PSIP1: variants seen among roughly 807,000 people sequenced by gnomAD.
PSIP1 encodes the protein PC4 and SRSF1 interacting protein 1.
A neutral mutation model predicts 74.7 loss-of-function variants in PSIP1; 19 were observed. The ratio of observed to expected loss-of-function variants is 0.25; its 90% CI spans 0.18 to 0.37. The LOEUF (loss-of-function observed/expected upper bound fraction) is 0.37. Among genes scored for constraint, PSIP1 ranks in the 10% least tolerant of loss-of-function variants. PSIP1 has a pLI of 1.00. For missense variants in PSIP1, 601 were observed against 614.3 expected (o/e 0.98, Z 0.23); for synonymous variants, 222 against 195.3 (o/e 1.14, Z -1.14).
intron 2 of PSIP1, among the ~76,000 whole-genome samples, chr9:15,509,720 T>C (rs532654006): frequency 1.3e-5 from 2 of 152,208 alleles, no homozygotes; most frequent in Non-Finnish European, 2.9e-5. Flanking sequence ...ATCCAAGTGT[T>C]TGTGTGTAAT....
chr9:15,489,301 C>G (rs1184563787), intron 4 of PSIP1: 8 of 152,088 alleles, frequency 5.3e-5, no homozygotes, highest in African/African-American at 1.9e-4. Context: ...TATTCCAATA[C>G]AATTCTATGG....
In PSIP1 at chr9:15,501,861, AT is replaced by A. The variant is rs1563897771; in HGVS notation, c.149+4699del. Reference sequence around the variant, plus strand: ...ACAGCATATATATATATATATATATATATATAAAACGCACACCCTCCCATAT... The same window carrying A: ...ACAGCATATATATATATATATATATAATATAAAACGCACACCCTCCCATAT... On this transcript the variant is annotated intron_variant, in intron 3 of 15. Transcript: ENST00000380733. Among the ~76,000 whole-genome samples, 32 of 148,274 alleles carry A rather than the reference AT, an allele frequency of 2.2e-4. 1 individual carries two copies. In the East Asian group the frequency reaches 5.5e-3, roughly 26 times the overall value.
rs112671758 is a variant in PSIP1 at position 15,501,840 on chromosome 9, C to CATATATATATATAT, written c.149+4707_149+4720dup. On this transcript the variant is annotated intron_variant, in intron 3 of 15. Transcript: ENST00000380733. The stretch of plus-strand genomic sequence containing the variant: ...TGTTTAAGTCCCTTATATAAAACAG[C>CATATATATATATAT]ATATATATATATATATATATATATA... 9.0e-3 allele frequency among the ~76,000 whole-genome samples: 1,121 copies of CATATATATATATAT among 124,394 alleles called. 38 individuals carry two copies. The highest frequency in any genetic ancestry group is 0.033 in the African/African-American group (915 of 27,374). 81.6% of individuals were successfully genotyped at this position (124,394 alleles called of 152,430 possible).
At chr9:15,497,677 C>T (rs201983245) in intron 3 of PSIP1, among the ~76,000 whole-genome samples, 188 of 152,008 alleles carry the variant, frequency 1.2e-3, no homozygotes, top group African/African-American at 4.5e-3. Flanking sequence ...TTAGCTACCA[C>T]CTAGACCAAG....
chr9:15,465,487 C>A lies in PSIP1; in HGVS notation c.*33G>T, dbSNP rs768978089. ...TTCAAATGAAAACCATTACAAACTT[C>A]TCAAGTGTTCTCTATATTCCAGGTA... On this transcript the variant is annotated 3_prime_UTR_variant, in exon 16 of 16. Coordinates refer to ENST00000380733, the MANE Select transcript of PSIP1 (RefSeq NM_033222.5). 6.7e-7 allele frequency: 1 copy of A among 1,482,040 alleles called. No homozygotes were observed. The highest frequency in any genetic ancestry group is 1.2e-5 in the South Asian group (1 of 81,972). 91.8% of individuals were successfully genotyped at this position (1,482,040 alleles called of 1,614,324 possible).
chr9:15,464,826 TCACTGAATGCC>T lies in PSIP1; in HGVS notation c.*683_*693del. 4.8e-6 allele frequency: 1 copy of T among 208,584 alleles called. No individual in the cohort carries two copies. Among genetic ancestry groups the T allele is most frequent in the Middle Eastern group, 1.5e-3 (1 of 658 alleles). 12.9% of individuals were successfully genotyped at this position (208,584 alleles called of 1,614,324 possible). A position where few individuals can be genotyped will look rare whatever the true frequency, so the allele number is the denominator to read the frequency against. On this transcript the variant is annotated 3_prime_UTR_variant, in exon 16 of 16. Transcript: ENST00000380733. ...TTGTCTGCAAAGAAGTCCTAAGACTTCACTGAATGCCCAGCCACAAAACTAAATTACCTTCA... is the reference window on the plus strand; with the variant it reads ...TTGTCTGCAAAGAAGTCCTAAGACTTCAGCCACAAAACTAAATTACCTTCA...
chr9:15,471,270 C>T, intron 10 of PSIP1: 1 of 1,580,360 alleles, frequency 6.3e-7, no homozygotes, highest in Non-Finnish European at 8.7e-7. Flanking sequence ...TTGCATAATG[C>T]ATTTCACACA....
At chr9:15,502,591 A>C (rs1025393817) in intron 3 of PSIP1, among the ~76,000 whole-genome samples, 4 of 152,208 alleles carry the variant, frequency 2.6e-5, no homozygotes, top group Admixed American at 2.0e-4. Flanking sequence ...TTATTTACAG[A>C]AGTAATTACG....
rs2036576369 is a variant in PSIP1 at position 15,486,858 on chromosome 9, T to A, written c.362A>T (p.Asp121Val). The change falls in exon 5 of 16, where the codon GAT becomes GTT. Residue 121 changes from aspartate (D) to valine (V), a missense_variant. Coordinates refer to ENST00000380733, the MANE Select transcript of PSIP1 (RefSeq NM_033222.5). ...EEKETSVSKE[D>V]TDHEEKASNE... ...GCTGGCTTTTTCTTCATGGTCGGTA[T>A]CTTCCTTTGAAACACTAGTTTCCTT... is the stretch of plus-strand genomic sequence containing the variant. 1.2e-6 allele frequency: 2 copies of A among 1,611,156 alleles called. No individual in the cohort carries two copies. Among genetic ancestry groups the A allele is most frequent in the Non-Finnish European group, 1.7e-6 (2 of 1,178,312 alleles).
intron 3 of PSIP1, among the ~76,000 whole-genome samples, chr9:15,501,008 AAAT>A (rs767220385): frequency 5.3e-5 from 8 of 152,222 alleles, no homozygotes; most frequent in Non-Finnish European, 1.0e-4. Context: ...CATTTTAAAT[AAAT>A]AATAGCCAAG....
intron 5 of PSIP1, among the ~76,000 whole-genome samples, chr9:15,486,398 T>C (rs187453414): frequency 2.8e-4 from 43 of 152,304 alleles, no homozygotes; most frequent in Admixed American, 1.4e-3. Context: ...GGCTGGGACA[T>C]TGAAGATCAT....
rs2035895793 is a variant in PSIP1, at chr9:15,472,767, G to T, written c.859-17C>A. 6.3e-7 allele frequency: 1 copy of T among 1,593,572 alleles called. No homozygotes were observed. The highest frequency in any genetic ancestry group is 8.5e-7 in the Non-Finnish European group (1 of 1,171,772). ...TTTTCTCTTCTGTTTTGAGAATTAG[G>T]ATGGTTTTATTTAACTATAAAGTCA... On this transcript the variant is annotated splice_polypyrimidine_tract_variant and intron_variant, in intron 9 of 15. Coordinates refer to ENST00000380733, the MANE Select transcript of PSIP1 (RefSeq NM_033222.5).
chr9:15,485,857 G>A, intron 6 of PSIP1, 149 bp downstream of exon 6: 3 of 620,266 alleles, frequency 4.8e-6, no homozygotes, highest in South Asian at 2.6e-5. Context: ...AACACAGATA[G>A]TTTTGCCAAG....
At position 15,501,418 on chromosome 9, in the gene PSIP1, G is replaced by C. The variant is rs571901354; in HGVS notation, c.149+5143C>G. On this transcript the variant is annotated intron_variant, in intron 3 of 15. Transcript: ENST00000380733. ...GGGGAAAAAAAAAAATTCAGTCACT[G>C]TTGCAGTGGGGAAAATAAACACGAG... Among the ~76,000 whole-genome samples the C allele has an allele frequency of 7.9e-5, 12 of 152,112 alleles. No individual in the cohort carries two copies. In the East Asian group the frequency reaches 2.3e-3, roughly 29 times the overall value.
chr9:15,467,120 T>A (rs370628898), intron 14 of PSIP1, among the ~76,000 whole-genome samples: 1 of 152,200 alleles, frequency 6.6e-6, no homozygotes, highest in African/African-American at 2.4e-5. Flanking sequence ...TAACTATCTA[T>A]GAGTACAGGA....
intron 10 of PSIP1, chr9:15,472,409 A>G: frequency 7.4e-7 from 1 of 1,344,530 alleles, no homozygotes; most frequent in Non-Finnish European, 9.5e-7. Context: ...GTTTAAATTC[A>G]AAAATAATTC....
intron 3 of PSIP1, among the ~76,000 whole-genome samples, chr9:15,500,513 G>A (rs2037292024): frequency 1.3e-5 from 2 of 152,132 alleles, no homozygotes; most frequent in African/African-American, 4.8e-5. Flanking sequence ...TCATTATTTG[G>A]TGTAAAATTT....
chr9:15,486,990 C>T lies in PSIP1; in HGVS notation c.289-59G>A, dbSNP rs139449597. The stretch of plus-strand genomic sequence containing the variant: ...TAAGTTTTTATCCCAATAATATATA[C>T]AATTCTTTATTTTTATTTTTTTTTT... On this transcript the variant is annotated intron_variant, in intron 4 of 15. Coordinates refer to ENST00000380733, the MANE Select transcript of PSIP1 (RefSeq NM_033222.5). 3.5e-5 allele frequency: 38 copies of T among 1,099,448 alleles called. No homozygotes were observed. The African/African-American group carries it at 5.0e-4, about 14-fold the overall frequency. The allele number at this position is 1,099,448 out of a possible 1,614,324, so 68.1% of individuals were successfully genotyped here. A position where few individuals can be genotyped will look rare whatever the true frequency, so the allele number is the denominator to read the frequency against.
At chr9:15,481,253 A>G (rs1020808859) in intron 6 of PSIP1, among the ~76,000 whole-genome samples, 4 of 152,238 alleles carry the variant, frequency 2.6e-5, no homozygotes, top group African/African-American at 9.6e-5. Flanking sequence ...TTAAGAACTC[A>G]AGACTGAGAG....
Sources: gnomAD v4.1 joint callset for allele counts (sites outside exome capture counted in the v4.1 genomes callset) on GRCh38, gnomAD v4.1.1 for gene constraint, MANE v1.5 for transcripts, NCBI Gene and HGNC (gene_info 2026-07-23, HGNC 2026-07-21) for gene names.